The following GNB5 variants were observed in gnomAD, a reference collection of about 807,000 sequenced individuals.
The protein encoded by GNB5 is G protein subunit beta 5.
A neutral mutation model predicts 55.3 loss-of-function variants in GNB5; 37 were observed. The ratio of observed to expected loss-of-function variants is 0.67; its 90% CI spans 0.51 to 0.88. The LOEUF (loss-of-function observed/expected upper bound fraction) is 0.88, where lower values mean the gene tolerates loss of function less well. Among genes scored for constraint, GNB5 ranks in the 40% least tolerant of loss-of-function variants. The pLI, the probability that GNB5 is intolerant of heterozygous loss-of-function variation, is 0.00. For synonymous variants in GNB5, 219 were observed against 198.5 expected, an observed-to-expected ratio of 1.10 and a Z score of -0.87; for missense variants, 476 against 515.3, an observed-to-expected ratio of 0.92 and a Z score of 0.74.
intron 3 of GNB5, among the ~76,000 whole-genome samples, chr15:52,163,909 C>T (rs1380880795): frequency 6.6e-6 from 1 of 152,108 alleles, no homozygotes; most frequent in East Asian, 1.9e-4. Context: ...TTGCAGCCTT[C>T]ACTGGTGATA....
intron 6 of GNB5, among the ~76,000 whole-genome samples, chr15:52,143,611 C>T (rs1337013158): frequency 6.6e-6 from 1 of 152,152 alleles, no homozygotes; most frequent in Non-Finnish European, 1.5e-5. Context: ...TGGGTTTTAG[C>T]TTTCAAGTTT....
At chr15:52,140,860 G>T (rs190976474) in intron 7 of GNB5, among the ~76,000 whole-genome samples, 1 of 152,292 alleles carries the variant, frequency 6.6e-6, no homozygotes, top group East Asian at 1.9e-4. Context: ...TGCACCCCAG[G>T]GGGTTCCCTG....
chr15:52,143,711 G>C (rs1211295266), intron 6 of GNB5, among the ~76,000 whole-genome samples: 1 of 152,294 alleles, frequency 6.6e-6, no homozygotes, highest in East Asian at 1.9e-4. Flanking sequence ...AGAGAATGTG[G>C]CATCGGTGTG....
intron 6 of GNB5, among the ~76,000 whole-genome samples, chr15:52,146,512 C>T (rs2033980171): frequency 6.6e-6 from 1 of 152,122 alleles, no homozygotes. Context: ...TCGTGTACCA[C>T]AATTCACTTA....
intron 3 of GNB5, among the ~76,000 whole-genome samples, chr15:52,164,400 C>G (rs1257173969): frequency 6.6e-6 from 1 of 150,410 alleles, no homozygotes. Context: ...GGGCGGATCA[C>G]GAAGTCAGGA....
chr15:52,125,667 G>C (rs2033404709), intron 11 of GNB5: 1 of 275,798 alleles, frequency 3.6e-6, no homozygotes, highest in African/African-American at 2.2e-5. Context: ...GAAAATGCCT[G>C]AGAGCATTGT....
At chr15:52,166,787 A>G (rs892087217) in intron 3 of GNB5, among the ~76,000 whole-genome samples, 16 of 152,186 alleles carry the variant, frequency 1.1e-4, no homozygotes, top group Non-Finnish European at 1.6e-4. Context: ...GAGAACCAAG[A>G]GCAAAAAACC....
chr15:52,168,485 A>G (rs2034493349), intron 3 of GNB5, among the ~76,000 whole-genome samples: 1 of 152,260 alleles, frequency 6.6e-6, no homozygotes, highest in Admixed American at 6.5e-5. Context: ...AACAAATGGA[A>G]AAACATTCCA....
chr15:52,172,419 A>G (rs1266856178), intron 3 of GNB5, among the ~76,000 whole-genome samples: 1 of 151,936 alleles, frequency 6.6e-6, no homozygotes, highest in Non-Finnish European at 1.5e-5. Context: ...GTGAGCCACC[A>G]TGCCCGGCCT....
In GNB5 at chr15:52,147,529, C is replaced by T. The variant is rs368969434; in HGVS notation, c.424G>A (p.Ala142Thr). 29 of 1,582,890 alleles carry T rather than the reference C, an allele frequency of 1.8e-5. No individual in the cohort carries two copies. Among genetic ancestry groups the T allele is most frequent in the African/African-American group, 4.1e-5 (3 of 73,788 alleles). Residue 142 changes from alanine (A) to threonine (T), a missense_variant, in exon 6 of 13, where the codon GCG becomes ACG. Transcript: ENST00000261837. The stretch of plus-strand genomic sequence containing the variant: ...ACCCACGTGCAGGGCATGGTGACCG[C>T]GTGCTCCTGAAACACAGCACAGAGT... ...WDSFTTNKEH[A>T]VTMPCTWVMA...
At chr15:52,164,862 T>G (rs998688668) in intron 3 of GNB5, among the ~76,000 whole-genome samples, 7 of 152,004 alleles carry the variant, frequency 4.6e-5, no homozygotes, top group Non-Finnish European at 8.8e-5. Context: ...GAGGCTGAGA[T>G]AGAGGAAGTG....
chr15:52,137,344 G>A (rs73402879), intron 7 of GNB5: 3 of 1,054,698 alleles, frequency 2.8e-6, no homozygotes, highest in South Asian at 3.1e-5. Context: ...ATCTGAGTTG[G>A]TCTTCAAGGA....
chr15:52,161,555 C>G (rs913304641), intron 3 of GNB5, among the ~76,000 whole-genome samples: 55 of 152,320 alleles, frequency 3.6e-4, no homozygotes, highest in African/African-American at 1.3e-3. Context: ...CCCACCTCAG[C>G]CTCCCAAAGG....
At chr15:52,185,043 CTT>C (rs1395558292) in intron 1 of GNB5, among the ~76,000 whole-genome samples, 1 of 152,222 alleles carries the variant, frequency 6.6e-6, no homozygotes, top group Non-Finnish European at 1.5e-5. Flanking sequence ...TAACTTAAAA[CTT>C]TTAAAAACAT....
intron 1 of GNB5, among the ~76,000 whole-genome samples, chr15:52,189,309 G>A (rs929613444): frequency 6.6e-6 from 1 of 152,152 alleles, no homozygotes; most frequent in Non-Finnish European, 1.5e-5. Context: ...GAAAATGTAT[G>A]TTCACTGGCT....
intron 3 of GNB5, among the ~76,000 whole-genome samples, chr15:52,156,655 C>T (rs1274301250): frequency 6.6e-6 from 1 of 152,054 alleles, no homozygotes; most frequent in Admixed American, 6.5e-5. Flanking sequence ...TGCTTGAGCC[C>T]GGGGGCAAAG....
Position 52,152,244 on chromosome 15 carries a change from C to T in GNB5, c.375+1696G>A, listed in dbSNP as rs551059119. Among the ~76,000 whole-genome samples, 21 of 151,988 alleles carry T rather than the reference C, an allele frequency of 1.4e-4. No homozygotes were observed. The South Asian group carries it at 2.7e-3, about 20-fold the overall frequency. ...GGGTTATAAAAAAAAGCAAACCAACCTGCTTTTGGAAAAACTGAGCACAAG... is the reference window on the plus strand; with the variant it reads ...GGGTTATAAAAAAAAGCAAACCAACTTGCTTTTGGAAAAACTGAGCACAAG... On this transcript the variant is annotated intron_variant, in intron 4 of 12. Coordinates refer to ENST00000261837, the MANE Select transcript of GNB5 (RefSeq NM_016194.4).
At chr15:52,149,696 A>G in intron 5 of GNB5, 188 bp downstream of exon 5, 1 of 671,064 alleles carries the variant, frequency 1.5e-6, no homozygotes, top group Admixed American at 2.1e-5. Context: ...AGGGGAATAA[A>G]TGCTGCAATG....
intron 1 of GNB5, among the ~76,000 whole-genome samples, chr15:52,190,836 C>A (rs967215094): frequency 1.9e-4 from 24 of 129,396 alleles, no homozygotes; most frequent in African/African-American, 7.1e-4. Flanking sequence ...GTCATAGCAG[C>A]TATTCATAGA....
Sources: gnomAD v4.1 joint callset for allele counts (sites outside exome capture counted in the v4.1 genomes callset) on GRCh38, gnomAD v4.1.1 for gene constraint, MANE v1.5 for transcripts, NCBI Gene and HGNC (gene_info 2026-07-23, HGNC 2026-07-21) for gene names.